The following ATP8B4 variants were observed in gnomAD, a reference collection of about 807,000 sequenced individuals.
ATP8B4 encodes probable phospholipid-transporting ATPase IM.
A neutral mutation model predicts 145.6 loss-of-function variants in ATP8B4; 133 were observed. The observed-to-expected ratio is 0.91, with a 90% CI of 0.79 to 1.05. ATP8B4 has a LOEUF of 1.05. Ranked by LOEUF, ATP8B4 falls within the 50% of genes least tolerant of loss-of-function variation. The pLI is 0.00. For missense variants in ATP8B4, 1,458 were observed against 1,425.2 expected, an observed-to-expected ratio of 1.02 and a Z score of -0.37; for synonymous variants, 507 against 492.9, an observed-to-expected ratio of 1.03 and a Z score of -0.38.
chr15:49,874,726 CAAGAA>C (rs1566908443), intron 25 of ATP8B4, among the ~76,000 whole-genome samples: 1 of 152,028 alleles, frequency 6.6e-6, no homozygotes. Flanking sequence ...CTTCAAGCGA[CAAGAA>C]GTCACTTGAA....
intron 3 of ATP8B4, among the ~76,000 whole-genome samples, chr15:50,062,939 T>C (rs2153625452): frequency 6.6e-6 from 1 of 152,290 alleles, no homozygotes; most frequent in Admixed American, 6.5e-5. Flanking sequence ...CAAGAGTCTT[T>C]GAAATATCAC....
At chr15:50,177,357 A>G (rs554075573) in intron 1 of ATP8B4, among the ~76,000 whole-genome samples, 1 of 152,368 alleles carries the variant, frequency 6.6e-6, no homozygotes, top group South Asian at 2.1e-4. Flanking sequence ...AAGTCTCACA[A>G]TCTTTTCTAT....
chr15:50,113,406 A>T (rs2057043800), intron 1 of ATP8B4: 1 of 152,150 alleles, frequency 6.6e-6, no homozygotes, highest in African/African-American at 2.4e-5. Flanking sequence ...GCTAAAGATA[A>T]TTCTATTTGG....
At chr15:49,914,875 C>T (rs2039579317) in intron 20 of ATP8B4, among the ~76,000 whole-genome samples, 1 of 152,090 alleles carries the variant, frequency 6.6e-6, no homozygotes, top group African/African-American at 2.4e-5. Context: ...TAAATTAGTA[C>T]AGCCACTAGA....
At chr15:50,083,638 C>T (rs1330763637) in intron 2 of ATP8B4, among the ~76,000 whole-genome samples, 1 of 152,174 alleles carries the variant, frequency 6.6e-6, no homozygotes, top group Non-Finnish European at 1.5e-5. Context: ...GAAGAGAGCA[C>T]TTCTCTGCTT....
chr15:50,030,524 T>C (rs913230871), intron 6 of ATP8B4, among the ~76,000 whole-genome samples: 1 of 151,794 alleles, frequency 6.6e-6, no homozygotes, highest in Non-Finnish European at 1.5e-5. Context: ...GAAGGAGACA[T>C]TAAAAAGGCC....
intron 6 of ATP8B4, among the ~76,000 whole-genome samples, chr15:50,012,786 T>C (rs896724356): frequency 6.6e-6 from 1 of 152,186 alleles, no homozygotes; most frequent in African/African-American, 2.4e-5. Flanking sequence ...AACCATAGTC[T>C]GTGTGAGATG....
At chr15:50,054,255 C>T (rs559798270) in intron 3 of ATP8B4, among the ~76,000 whole-genome samples, 4 of 152,266 alleles carry the variant, frequency 2.6e-5, no homozygotes, top group African/African-American at 9.6e-5. Context: ...GAGCACCCAC[C>T]ATCTCCAATG....
chr15:49,903,004 AT>A (rs148620203), intron 20 of ATP8B4, among the ~76,000 whole-genome samples: 1,864 of 152,158 alleles, frequency 0.012, 19 homozygotes, highest in Non-Finnish European at 0.02. Context: ...TTTACTTAGG[AT>A]TTTTTTCTCC....
At chr15:49,899,225 T>C (rs1294533066) in intron 21 of ATP8B4, among the ~76,000 whole-genome samples, 1 of 152,120 alleles carries the variant, frequency 6.6e-6, no homozygotes, top group East Asian at 1.9e-4. Flanking sequence ...TTACCTCTAC[T>C]TGAAAATATC....
chr15:50,103,611 T>C (rs2056502351), intron 2 of ATP8B4, among the ~76,000 whole-genome samples: 3 of 152,116 alleles, frequency 2.0e-5, no homozygotes, highest in Non-Finnish European at 2.9e-5. Flanking sequence ...TGGAAACACA[T>C]GCTCATGGAT....
intron 15 of ATP8B4, 121 bp downstream of exon 15, chr15:49,933,896 A>T: frequency 8.8e-7 from 1 of 1,132,672 alleles, no homozygotes; most frequent in East Asian, 2.8e-5. Flanking sequence ...TTAAAAAACA[A>T]AAACAAAAAA....
intron 3 of ATP8B4, among the ~76,000 whole-genome samples, chr15:50,067,023 G>C (rs1314077923): frequency 6.6e-6 from 1 of 151,820 alleles, no homozygotes; most frequent in Non-Finnish European, 1.5e-5. Flanking sequence ...TTCAATCCTT[G>C]CTGTCCTCTG....
intron 26 of ATP8B4, among the ~76,000 whole-genome samples, chr15:49,865,266 G>A (rs950497489): frequency 6.6e-6 from 1 of 152,218 alleles, no homozygotes; most frequent in Admixed American, 6.5e-5. Context: ...ACATGTAGAG[G>A]TTCCTGGAGG....
intron 13 of ATP8B4, among the ~76,000 whole-genome samples, chr15:49,970,651 G>T (rs2045023629): frequency 6.6e-6 from 1 of 152,170 alleles, no homozygotes; most frequent in Admixed American, 6.5e-5. Flanking sequence ...AACATCCCAT[G>T]CTCATGGATA....
intron 1 of ATP8B4, among the ~76,000 whole-genome samples, chr15:50,115,731 C>A (rs565642196): frequency 2.6e-5 from 4 of 152,062 alleles, no homozygotes; most frequent in Non-Finnish European, 5.9e-5. Context: ...ATTGTCACTG[C>A]CATTCACTGG....
At chr15:50,044,321 G>A (rs1037977718) in intron 5 of ATP8B4, among the ~76,000 whole-genome samples, 1 of 152,168 alleles carries the variant, frequency 6.6e-6, no homozygotes, top group Non-Finnish European at 1.5e-5. Flanking sequence ...CCACAAATTG[G>A]TTGTATTATT....
chr15:49,897,565 C>G (rs374497522), intron 22 of ATP8B4, 50 bp from the exon 23 acceptor site: 143 of 1,382,736 alleles, frequency 1.0e-4, no homozygotes, highest in Middle Eastern at 1.9e-4. Flanking sequence ...GCCACGATCT[C>G]TTTTGGAAAC....
In ATP8B4 at chr15:50,107,026, G is replaced by C; in HGVS notation, c.-42-18C>G. ...TGGCCTACCTAAGAAAAAGAAGTAT[G>C]CATATTAGTATCTGAAAAATGCACA... On this transcript the variant is annotated intron_variant, in intron 1 of 27. Transcript: ENST00000284509. The C allele has an allele frequency of 6.8e-7, 1 of 1,461,692 alleles. No individual in the cohort carries two copies. Among genetic ancestry groups the C allele is most frequent in the Non-Finnish European group, 9.2e-7 (1 of 1,088,942 alleles). The allele number at this position is 1,461,692 out of a possible 1,614,324, so 90.5% of individuals were successfully genotyped here. A position where few individuals can be genotyped will look rare whatever the true frequency, so the allele number is the denominator to read the frequency against.
Sources: allele counts gnomAD v4.1 joint callset (sites outside exome capture counted in the v4.1 genomes callset), GRCh38; gene constraint gnomAD v4.1.1; transcripts MANE v1.5; gene names NCBI Gene and HGNC (gene_info 2026-07-23, HGNC 2026-07-21).